Variants in CDH4 observed in about 807,000 individuals in gnomAD.
The protein encoded by CDH4 is cadherin-4.
CDH4 carries 33 observed loss-of-function variants against 86.0 expected under a neutral mutation model. The observed-to-expected ratio is 0.38, with a 90% CI of 0.29 to 0.51. The LOEUF (loss-of-function observed/expected upper bound fraction) is 0.51, where lower values mean the gene tolerates loss of function less well. Ranked by LOEUF, CDH4 falls within the 20% of genes least tolerant of loss-of-function variation. The pLI is 0.86. For missense variants in CDH4, 1,114 were observed against 1,307.4 expected (o/e 0.85, Z 2.28); for synonymous variants, 555 against 549.4 (o/e 1.01, Z -0.14).
chr20:61,883,012 A>G (rs946377613), intron 7 of CDH4, among the ~76,000 whole-genome samples: 5 of 151,836 alleles, frequency 3.3e-5, no homozygotes, highest in African/African-American at 7.3e-5. Flanking sequence ...TCAAACACCA[A>G]TCTGAGCTCT....
rs139895934 is a variant in CDH4 at position 61,338,252 on chromosome 20, A to G, written c.169+83315A>G. On this transcript the variant is annotated intron_variant, in intron 2 of 15. Transcript: ENST00000614565. ...AAACACTTAAAAAGCACAAGTTATC[A>G]AGGTACTTTAACTTGGGAGATTGGG... is the stretch of plus-strand genomic sequence containing the variant. Among the ~76,000 whole-genome samples the G allele has an allele frequency of 3.5e-3, 533 of 152,322 alleles. 3 individuals are homozygous for G. Among genetic ancestry groups the G allele is most frequent in the African/African-American group, 0.012 (495 of 41,566 alleles).
chr20:61,707,477 C>T (rs1048087431), intron 2 of CDH4, among the ~76,000 whole-genome samples: 13 of 152,222 alleles, frequency 8.5e-5, no homozygotes, highest in African/African-American at 3.1e-4. Context: ...GCTGGGTGAA[C>T]GCGGGATGTG....
In CDH4 at chr20:61,417,898, C is replaced by T. The variant is rs972709736; in HGVS notation, c.169+162961C>T. Among the ~76,000 whole-genome samples, 8 of 152,034 alleles carry T rather than the reference C, an allele frequency of 5.3e-5. No homozygotes were observed. Among genetic ancestry groups the T allele is most frequent in the African/African-American group, 1.9e-4 (8 of 41,400 alleles). On this transcript the variant is annotated intron_variant, in intron 2 of 15. Transcript: ENST00000614565. The surrounding 1 kb of genome is among the most constrained non-coding windows in gnomAD (Gnocchi z 4.0). ...AGCAGGGCCCTTCATGCTCAGAGGC[C>T]CACTTGGAAGAGATGGAGCCTCCCA...
intron 3 of CDH4, among the ~76,000 whole-genome samples, chr20:61,767,493 G>T (rs1355824518): frequency 1.3e-5 from 2 of 152,230 alleles, no homozygotes; most frequent in Non-Finnish European, 2.9e-5. Flanking sequence ...AGCCTGGCAT[G>T]AGGATGAGGC....
chr20:61,485,590 G>C (rs2085591719), intron 2 of CDH4, among the ~76,000 whole-genome samples: 1 of 152,216 alleles, frequency 6.6e-6, no homozygotes, highest in Admixed American at 6.5e-5. Context: ...AAGGATTGCA[G>C]GGTACTGGTG....
At chr20:61,824,386 C>G (rs1183403821) in intron 4 of CDH4, among the ~76,000 whole-genome samples, 3 of 152,070 alleles carry the variant, frequency 2.0e-5, no homozygotes, top group South Asian at 2.1e-4. Flanking sequence ...ATGCCTCCCC[C>G]CAACCCCAGC....
In CDH4 at chr20:61,773,027, G is replaced by T; in HGVS notation, c.421G>T (p.Ala141Ser). 6.2e-7 allele frequency: 1 copy of T among 1,613,000 alleles called. No individual in the cohort carries two copies. The highest frequency in any genetic ancestry group is 8.5e-7 in the Non-Finnish European group (1 of 1,179,310). Residue 141 changes from alanine (A) to serine (S), a missense_variant, in exon 4 of 16, where the codon GCT becomes TCT. This residue lies in a region of CDH4 where 221 missense variants were observed against 209.5 expected (regional missense o/e 1.05). Transcript: ENST00000614565. Reference sequence around the variant, plus strand: ...GCCGCAGAAAGGAAAGAAGGTCGTGGCTCTGGACCCCTCTCCGCCTCCGAA... The same window carrying T: ...GCCGCAGAAAGGAAAGAAGGTCGTGTCTCTGGACCCCTCTCCGCCTCCGAA... The part of the protein sequence containing the change: ...HKPQKGKKVV[A>S]LDPSPPPKDT...
At chr20:61,431,468 TC>T (rs1390671090) in intron 2 of CDH4, among the ~76,000 whole-genome samples, 1 of 149,670 alleles carries the variant, frequency 6.7e-6, no homozygotes, top group East Asian at 2.1e-4. Flanking sequence ...CAAGTGATCC[TC>T]CCACCTCAGC....
At chr20:61,617,230 G>T (rs2086732500) in intron 2 of CDH4, among the ~76,000 whole-genome samples, 1 of 152,190 alleles carries the variant, frequency 6.6e-6, no homozygotes, top group South Asian at 2.1e-4. Context: ...TGTCGTGTCT[G>T]CCTGTCTTTC....
intron 4 of CDH4, among the ~76,000 whole-genome samples, chr20:61,840,657 G>A (rs988580087): frequency 2.6e-5 from 4 of 152,188 alleles, no homozygotes; most frequent in African/African-American, 9.6e-5. Flanking sequence ...GCGCCTGTCT[G>A]TGCTCCCTAT....
chr20:61,493,539 TCTC>T (rs1308204944), intron 2 of CDH4, among the ~76,000 whole-genome samples: 1 of 152,238 alleles, frequency 6.6e-6, no homozygotes, highest in Non-Finnish European at 1.5e-5. Context: ...TTCCGGCTCT[TCTC>T]CTTCACAATG....
chr20:61,837,737 G>A (rs564775726), intron 4 of CDH4, among the ~76,000 whole-genome samples: 12 of 143,852 alleles, frequency 8.3e-5, no homozygotes, highest in East Asian at 2.0e-4. Flanking sequence ...CCCCAGCGAC[G>A]CCGTTGTGAG....
chr20:61,442,302 C>T (rs1049384415), intron 2 of CDH4, among the ~76,000 whole-genome samples: 30 of 152,206 alleles, frequency 2.0e-4, no homozygotes, highest in African/African-American at 7.2e-4. Context: ...TGGATGGAAC[C>T]ATGCCTCCCT....
intron 2 of CDH4, among the ~76,000 whole-genome samples, chr20:61,664,498 C>T (rs6089459): frequency 6.6e-6 from 1 of 152,212 alleles, no homozygotes; most frequent in African/African-American, 2.4e-5. Flanking sequence ...ATGCAGCAGC[C>T]TGCATCAGCC....
chr20:61,861,568 T>TCGCAGAAAACCCAAC (rs2146129102), intron 6 of CDH4, among the ~76,000 whole-genome samples: 3 of 62,786 alleles, frequency 4.8e-5, no homozygotes, highest in East Asian at 1.2e-3. Context: ...TGGCTGAAAG[T>TCGCAGAAAACCCAAC]CACAGAAAAC....
At chr20:61,802,571 C>T (rs1246350336) in intron 4 of CDH4, among the ~76,000 whole-genome samples, 4 of 152,326 alleles carry the variant, frequency 2.6e-5, no homozygotes, top group Non-Finnish European at 5.9e-5. Context: ...CAACTGTCTC[C>T]GTTGGGAGCA....
chr20:61,279,736 C>T (rs994321834), intron 2 of CDH4, among the ~76,000 whole-genome samples: 3 of 152,144 alleles, frequency 2.0e-5, no homozygotes, highest in East Asian at 3.9e-4. Flanking sequence ...GTCTGGACCT[C>T]GATGTGCAAG....
intron 2 of CDH4, among the ~76,000 whole-genome samples, chr20:61,414,029 CTG>C (rs1264975945): frequency 2.6e-5 from 4 of 152,234 alleles, no homozygotes; most frequent in African/African-American, 7.2e-5. Context: ...GGTTGTGCCT[CTG>C]TGTGTGTCAC....
chr20:61,385,146 T>C (rs1025766667), intron 2 of CDH4, among the ~76,000 whole-genome samples: 1 of 147,878 alleles, frequency 6.8e-6, no homozygotes, highest in African/African-American at 2.6e-5. Flanking sequence ...GTGGCCTCCA[T>C]CCTCTCCGAA....
Sources: allele counts gnomAD v4.1 joint callset (sites outside exome capture counted in the v4.1 genomes callset), GRCh38; gene constraint gnomAD v4.1.1; regional missense constraint gnomAD v4.1.1; non-coding constraint Gnocchi (gnomAD v3.1); transcripts MANE v1.5; gene names NCBI Gene and HGNC (gene_info 2026-07-23, HGNC 2026-07-21).